Variants in PIAS1 observed in about 807,000 individuals in gnomAD.
PIAS1 encodes protein inhibitor of activated STAT 1.
Under a neutral mutation model 71.3 loss-of-function variants are expected in PIAS1, and 6 were observed. The observed-to-expected ratio is 0.08, with a 90% CI of 0.05 to 0.17. The LOEUF is 0.17. Ranked by LOEUF, PIAS1 falls within the 10% of genes least tolerant of loss-of-function variation. The pLI, the probability that PIAS1 is intolerant of heterozygous loss-of-function variation, is 1.00. For synonymous variants in PIAS1, 303 were observed against 292.9 expected (o/e 1.03, Z -0.35); for missense variants, 555 against 793.6 (o/e 0.70, Z 3.61).
chr15:68,083,115 T>A (rs572939005), intron 1 of PIAS1, among the ~76,000 whole-genome samples: 1 of 136,082 alleles, frequency 7.3e-6, no homozygotes. Flanking sequence ...TAGTGGTTGA[T>A]GCAATCCTTA....
At chr15:68,139,191 C>T (rs750624230) in intron 2 of PIAS1, among the ~76,000 whole-genome samples, 1 of 152,138 alleles carries the variant, frequency 6.6e-6, no homozygotes, top group Non-Finnish European at 1.5e-5. Flanking sequence ...GTGGCAAAAC[C>T]GGTTTGGAAT....
rs2091873657 is a variant in PIAS1 at position 68,054,549 on chromosome 15, C to G, written c.24+199C>G. 4 of 474,694 alleles carry G rather than the reference C, an allele frequency of 8.4e-6. No individual in the cohort carries two copies. Among genetic ancestry groups the G allele is most frequent in the Admixed American group, 4.2e-5 (1 of 23,882 alleles). 29.4% of individuals were successfully genotyped at this position (474,694 alleles called of 1,614,324 possible). A position where few individuals can be genotyped will look rare whatever the true frequency, so the allele number is the denominator to read the frequency against. On this transcript the variant is annotated intron_variant, in intron 1 of 13. Transcript: ENST00000249636. The surrounding 1 kb of genome is among the most constrained non-coding windows in gnomAD (Gnocchi z 4.6). Reference sequence around the variant, plus strand: ...CCGCGGGCCCCGGGTGCCTCGGGGGCGCTGACGGGTCGTCCCCGGCGTGTT... The same window carrying G: ...CCGCGGGCCCCGGGTGCCTCGGGGGGGCTGACGGGTCGTCCCCGGCGTGTT...
chr15:68,095,719 C>T (rs1160010093), intron 2 of PIAS1, among the ~76,000 whole-genome samples: 1 of 151,850 alleles, frequency 6.6e-6, no homozygotes, highest in Non-Finnish European at 1.5e-5. Flanking sequence ...TTCGTAGAGA[C>T]AGGGTTTCAT....
At chr15:68,112,521 A>G (rs2092530924) in intron 2 of PIAS1, among the ~76,000 whole-genome samples, 1 of 152,160 alleles carries the variant, frequency 6.6e-6, no homozygotes, top group African/African-American at 2.4e-5. Context: ...ACCAAAAAAA[A>G]GTAGTCATTT....
At chr15:68,073,102 G>A (rs2092118335) in intron 1 of PIAS1, among the ~76,000 whole-genome samples, 1 of 152,040 alleles carries the variant, frequency 6.6e-6, no homozygotes, top group South Asian at 2.1e-4. Flanking sequence ...TGCAACCTCC[G>A]CCTCCTGGGT....
chr15:68,088,176 G>GTGTATA lies in PIAS1; in HGVS notation c.469+1427_469+1428insGTATAT, dbSNP rs150997979. Among the ~76,000 whole-genome samples, 356 of 73,002 alleles carry GTGTATA rather than the reference G, an allele frequency of 4.9e-3. 9 individuals are homozygous for GTGTATA. Among genetic ancestry groups the GTGTATA allele is most frequent in the Non-Finnish European group, 7.2e-3 (293 of 40,806 alleles). The allele number at this position is 73,002 out of a possible 152,430, so 47.9% of individuals were successfully genotyped here. A position where few individuals can be genotyped will look rare whatever the true frequency, so the allele number is the denominator to read the frequency against. On this transcript the variant is annotated intron_variant, in intron 2 of 13. Transcript: ENST00000249636. ...TTCTTGTCTGTCTGATTATGTGTGT[G>GTGTATA]TATATATATATATATATATATATAT...
At chr15:68,122,695 A>G (rs757294702) in intron 2 of PIAS1, among the ~76,000 whole-genome samples, 14 of 152,240 alleles carry the variant, frequency 9.2e-5, no homozygotes, top group Non-Finnish European at 1.3e-4. Context: ...TTGCCACACC[A>G]AGATGAGTAG....
intron 1 of PIAS1, among the ~76,000 whole-genome samples, chr15:68,075,146 G>C (rs1374913897): frequency 7.5e-6 from 1 of 133,900 alleles, no homozygotes; most frequent in Non-Finnish European, 1.5e-5. Flanking sequence ...GCGAAGTGGC[G>C]TGATCTTGGC....
chr15:68,145,790 A>G, intron 4 of PIAS1, 26 bp from the exon 5 acceptor site: 2 of 1,319,836 alleles, frequency 1.5e-6, no homozygotes, highest in Non-Finnish European at 1.1e-6. Flanking sequence ...TAATAAAGGA[A>G]ATTAAACTTG....
chr15:68,171,453 C>T lies in PIAS1; in HGVS notation c.1009-2279C>T, dbSNP rs539131126. On this transcript the variant is annotated intron_variant, in intron 8 of 13. Transcript: ENST00000249636. This position sits in a 1 kb window ranked among gnomAD's most constrained non-coding sequence, Gnocchi z 4.4. ...AATTTGAAGACCTCTATCGTATATG[C>T]GGTTCAGTGTTGACCAAAATGTTAT... Among the ~76,000 whole-genome samples, 32 of 152,294 alleles carry T rather than the reference C, an allele frequency of 2.1e-4. 1 individual carries two copies. Among genetic ancestry groups the T allele is most frequent in the South Asian group, 1.4e-3 (7 of 4,828 alleles).
chr15:68,100,896 TTTTG>T (rs1472475046), intron 2 of PIAS1, among the ~76,000 whole-genome samples: 2 of 26,556 alleles, frequency 7.5e-5, no homozygotes, highest in African/African-American at 2.9e-4. Flanking sequence ...GTTGTTTTTG[TTTTG>T]TTTTTTTTTT....
At chr15:68,142,110 T>C (rs2092774839) in intron 3 of PIAS1, 80 bp downstream of exon 3, 13 of 1,030,448 alleles carry the variant, frequency 1.3e-5, no homozygotes, top group Non-Finnish European at 1.9e-5. Flanking sequence ...AAAACAGTGA[T>C]TGGTGAGTTA....
chr15:68,097,661 G>C (rs978806397), intron 2 of PIAS1, among the ~76,000 whole-genome samples: 7 of 152,110 alleles, frequency 4.6e-5, no homozygotes, highest in Admixed American at 3.9e-4. Context: ...TCGAACTCCT[G>C]AGCTCAGGTG....
intron 2 of PIAS1, among the ~76,000 whole-genome samples, chr15:68,124,841 G>A (rs1337052745): frequency 2.0e-5 from 3 of 151,946 alleles, no homozygotes; most frequent in Non-Finnish European, 4.4e-5. Context: ...GTCTTTCTAG[G>A]GGCAAGTATT....
chr15:68,116,072 C>G (rs970886973), intron 2 of PIAS1, among the ~76,000 whole-genome samples: 1 of 151,462 alleles, frequency 6.6e-6, no homozygotes, highest in African/African-American at 2.4e-5. Flanking sequence ...CTTTCTTTTC[C>G]ATTTTTTTTT....
Position 68,167,384 on chromosome 15 carries a change from T to C in PIAS1, c.1008+2580T>C, listed in dbSNP as rs2141081788. 6.6e-6 allele frequency among the ~76,000 whole-genome samples: 1 copy of C among 152,310 alleles called. No individual in the cohort carries two copies. Among genetic ancestry groups the C allele is most frequent in the Admixed American group, 6.5e-5 (1 of 15,300 alleles). ...AAATTTATGGGATAATAAAAGAGAT[T>C]TGTGCTCTTTGAAATATGTAAATAT... is the stretch of plus-strand genomic sequence containing the variant. On this transcript the variant is annotated intron_variant, in intron 8 of 13. Coordinates refer to ENST00000249636, the MANE Select transcript of PIAS1 (RefSeq NM_016166.3). This position sits in a 1 kb window ranked among gnomAD's most constrained non-coding sequence, Gnocchi z 4.4.
intron 8 of PIAS1, among the ~76,000 whole-genome samples, chr15:68,169,312 G>A (rs1440275576): frequency 6.6e-6 from 1 of 152,142 alleles, no homozygotes; most frequent in African/African-American, 2.4e-5. Flanking sequence ...CTTGCCTAAT[G>A]GTAATTTTTC....
chr15:68,153,724 T>G, intron 7 of PIAS1, 29 bp downstream of exon 7: 1 of 1,131,328 alleles, frequency 8.8e-7, no homozygotes, highest in Non-Finnish European at 1.3e-6. Context: ...TTTCACTTAT[T>G]CAGCTATTTT....
rs915923618 is a variant in PIAS1 at position 68,143,074 on chromosome 15, CAT to C, written c.602+750_602+751del. On this transcript the variant is annotated intron_variant, in intron 4 of 13. Coordinates refer to ENST00000249636, the MANE Select transcript of PIAS1 (RefSeq NM_016166.3). ...CCCTTATATATCTCCCTTTTATATA[CAT>C]ATATATATATATCTCCCTTATATAA... Among the ~76,000 whole-genome samples, 297 of 150,710 alleles carry C rather than the reference CAT, an allele frequency of 2.0e-3. 2 individuals carry two copies. The highest frequency in any genetic ancestry group is 6.7e-3 in the African/African-American group (276 of 41,172).
Sources: gnomAD v4.1 joint callset for allele counts (sites outside exome capture counted in the v4.1 genomes callset) on GRCh38, gnomAD v4.1.1 for gene constraint, Gnocchi (gnomAD v3.1) non-coding constraint, MANE v1.5 for transcripts, NCBI Gene and HGNC (gene_info 2026-07-23, HGNC 2026-07-21) for gene names.